The following GLIS1 variants were observed in gnomAD, a reference collection of about 807,000 sequenced individuals.
GLIS1 encodes the protein GLIS family zinc finger 1.
Under a neutral mutation model 63.8 loss-of-function variants are expected in GLIS1, and 24 were observed. The observed-to-expected ratio is 0.38, with a 90% confidence interval of 0.27 to 0.53. The LOEUF (loss-of-function observed/expected upper bound fraction) is 0.53. Ranked by LOEUF, GLIS1 falls within the 20% of genes least tolerant of loss-of-function variation. GLIS1 has a pLI of 0.85. For missense variants in GLIS1, 1,036 were observed against 1,074.1 expected, an observed-to-expected ratio of 0.96 and a Z score of 0.50; for synonymous variants, 450 against 482.5, an observed-to-expected ratio of 0.93 and a Z score of 0.88.
chr1:53,738,144 A>C, intron 1 of GLIS1, 38 bp from the exon 2 acceptor site: 1 of 1,164,518 alleles, frequency 8.6e-7, no homozygotes, highest in Admixed American at 4.3e-5. Context: ...TAGAATGCGG[A>C]AAGCGGCCCC....
At chr1:53,591,235 G>GC (rs1645190405) in intron 4 of GLIS1, among the ~76,000 whole-genome samples, 1 of 152,132 alleles carries the variant, frequency 6.6e-6, no homozygotes, top group Non-Finnish European at 1.5e-5. Flanking sequence ...GCTGGTTGAG[G>GC]CCCACCCCTT....
intron 4 of GLIS1, among the ~76,000 whole-genome samples, chr1:53,563,510 A>G (rs1024140507): frequency 3.3e-5 from 5 of 152,252 alleles, no homozygotes; most frequent in African/African-American, 9.6e-5. Flanking sequence ...GTCAAACAGC[A>G]GATTAAACAC....
chr1:53,715,252 G>A (rs1453432374), intron 2 of GLIS1, among the ~76,000 whole-genome samples: 1 of 152,190 alleles, frequency 6.6e-6, no homozygotes, highest in Non-Finnish European at 1.5e-5. Context: ...CAAAGAAACT[G>A]GGTGATCAGA....
Position 53,700,848 on chromosome 1 carries a change from A to G in GLIS1, c.259+36958T>C, listed in dbSNP as rs546529841. On this transcript the variant is annotated intron_variant, in intron 2 of 10. Coordinates refer to ENST00000628545, the MANE Select transcript of GLIS1 (RefSeq NM_001367484.1). The stretch of plus-strand genomic sequence containing the variant: ...CTCCATAGATTTACCTGTCCAGGAC[A>G]TTTCATGTTAATGGATTCACATAAC... 1.2e-4 allele frequency among the ~76,000 whole-genome samples: 19 copies of G among 152,322 alleles called. No homozygotes were observed. The East Asian group carries it at 3.7e-3, about 29-fold the overall frequency.
At chr1:53,737,502 C>T (rs1219242198) in intron 2 of GLIS1, among the ~76,000 whole-genome samples, 1 of 152,198 alleles carries the variant, frequency 6.6e-6, no homozygotes, top group Non-Finnish European at 1.5e-5. Context: ...GCTATTCGCC[C>T]TCATGTATAA....
intron 2 of GLIS1, among the ~76,000 whole-genome samples, chr1:53,734,708 C>T (rs144830112): frequency 8.5e-5 from 13 of 152,338 alleles, no homozygotes; most frequent in East Asian, 7.7e-4. Flanking sequence ...TGTGGGAACA[C>T]GCTCTGAACA....
Position 53,588,848 on chromosome 1 carries a change from T to C in GLIS1, c.1320+5260A>G, listed in dbSNP as rs549991169. Among the ~76,000 whole-genome samples the C allele has an allele frequency of 9.8e-5, 15 of 152,354 alleles. No individual in the cohort carries two copies. The South Asian group carries it at 3.1e-3, about 32-fold the overall frequency. ...AGGCAGGTCATACAGAGCAAGCCAT[T>C]TTGCCTGCGAACTTCAGAAACATAC... On this transcript the variant is annotated intron_variant, in intron 4 of 10. Transcript: ENST00000628545.
At position 53,560,449 on chromosome 1, in the gene GLIS1, C is replaced by T. The variant is rs904892743; in HGVS notation, c.1321-30497G>A. ...GGTTCCACTGGCAGACGGACAGTTC[C>T]GGTCGGGAGATATCTGGTCCACACA... On this transcript the variant is annotated intron_variant, in intron 4 of 10. Transcript: ENST00000628545. This position sits in a 1 kb window ranked among gnomAD's most constrained non-coding sequence, Gnocchi z 4.4. Among the ~76,000 whole-genome samples the T allele has an allele frequency of 2.0e-5, 3 of 152,188 alleles. No individual in the cohort carries two copies. The highest frequency in any genetic ancestry group is 1.3e-4 in the Admixed American group (2 of 15,288).
intron 4 of GLIS1, among the ~76,000 whole-genome samples, chr1:53,532,000 G>A (rs1004764688): frequency 6.6e-6 from 1 of 152,210 alleles, no homozygotes; most frequent in Admixed American, 6.5e-5. Context: ...GAAGGCCCCT[G>A]AGTGGTTGAT....
intron 4 of GLIS1, among the ~76,000 whole-genome samples, chr1:53,564,028 G>T (rs1006339341): frequency 1.3e-5 from 2 of 152,200 alleles, no homozygotes; most frequent in East Asian, 1.9e-4. Flanking sequence ...GAAGAAGGAA[G>T]ATGATCCCAG....
chr1:53,512,287 C>T (rs897452756), intron 8 of GLIS1, among the ~76,000 whole-genome samples: 2 of 152,180 alleles, frequency 1.3e-5, no homozygotes, highest in Non-Finnish European at 2.9e-5. Context: ...AATATTTTTG[C>T]TTCAACTGGA....
intron 2 of GLIS1, among the ~76,000 whole-genome samples, chr1:53,718,919 C>T (rs1038198684): frequency 5.3e-5 from 8 of 152,336 alleles, no homozygotes; most frequent in Admixed American, 5.2e-4. Context: ...GTCTCAGACC[C>T]CTGACTCTGT....
In GLIS1 at chr1:53,511,265, C is replaced by T. The variant is rs1360731037; in HGVS notation, c.1884-1238G>A. On this transcript the variant is annotated intron_variant, in intron 8 of 10. Transcript: ENST00000628545. This position sits in a 1 kb window ranked among gnomAD's most constrained non-coding sequence, Gnocchi z 4.2. The stretch of plus-strand genomic sequence containing the variant: ...AAAATATACAGCGAATTCAATGTCA[C>T]AGCTCCAGGTGACCTCGTGACCCTT... Among the ~76,000 whole-genome samples, 1 of 152,232 alleles carries T rather than the reference C, an allele frequency of 6.6e-6. No individual in the cohort carries two copies. The highest frequency in any genetic ancestry group is 1.5e-5 in the Non-Finnish European group (1 of 68,038).
chr1:53,580,968 T>C (rs576030622), intron 4 of GLIS1, among the ~76,000 whole-genome samples: 2 of 151,962 alleles, frequency 1.3e-5, no homozygotes, highest in Non-Finnish European at 2.9e-5. Context: ...ACTGAGCATC[T>C]ACTATGTGGA....
At chr1:53,660,259 C>T (rs1646012612) in intron 2 of GLIS1, among the ~76,000 whole-genome samples, 1 of 152,198 alleles carries the variant, frequency 6.6e-6, no homozygotes. Context: ...TTCACCCCCA[C>T]CTCCACCCAT....
chr1:53,685,615 CCT>C (rs142097620), intron 2 of GLIS1, among the ~76,000 whole-genome samples: 7,545 of 152,222 alleles, frequency 0.05, 464 homozygotes, highest in East Asian at 0.3. Flanking sequence ...TGTTTTTTCC[CCT>C]CTCTTCCAAC....
chr1:53,717,686 G>T (rs1570098133), intron 2 of GLIS1, among the ~76,000 whole-genome samples: 1 of 152,098 alleles, frequency 6.6e-6, no homozygotes, highest in Non-Finnish European at 1.5e-5. Flanking sequence ...TCCCTTCACT[G>T]CTTTCTCTCT....
At chr1:53,680,162 T>C (rs1317166400) in intron 2 of GLIS1, among the ~76,000 whole-genome samples, 1 of 151,962 alleles carries the variant, frequency 6.6e-6, no homozygotes, top group East Asian at 1.9e-4. Context: ...CTAAAGGACC[T>C]AGATTGTCTC....
chr1:53,625,660 G>A (rs1430397792), intron 2 of GLIS1, among the ~76,000 whole-genome samples: 1 of 152,180 alleles, frequency 6.6e-6, no homozygotes, highest in Non-Finnish European at 1.5e-5. Context: ...CTCCTATTGT[G>A]TCTGGAGCCA....
Sources: gnomAD v4.1 joint callset for allele counts (sites outside exome capture counted in the v4.1 genomes callset) on GRCh38, gnomAD v4.1.1 for gene constraint, Gnocchi (gnomAD v3.1) non-coding constraint, MANE v1.5 for transcripts, NCBI Gene and HGNC (gene_info 2026-07-23, HGNC 2026-07-21) for gene names.